UPP2: variants seen among roughly 807,000 people sequenced by gnomAD.
The protein encoded by UPP2 is UPase 2.
In UPP2, 23 loss-of-function variants were observed where a neutral mutation model predicts 26.7. The observed-to-expected ratio is 0.86, with a 90% CI of 0.62 to 1.22. The LOEUF is 1.22. UPP2 is among the 50% of genes most tolerant of loss of function. The pLI, the probability that UPP2 is intolerant of heterozygous loss-of-function variation, is 0.00. For synonymous variants in UPP2, 127 were observed against 141.3 expected, an observed-to-expected ratio of 0.90 and a Z score of 0.72; for missense variants, 387 against 396.7, an observed-to-expected ratio of 0.98 and a Z score of 0.21.
intron 3 of UPP2, among the ~76,000 whole-genome samples, chr2:158,020,126 G>GT (rs749384280): frequency 1.6e-4 from 24 of 151,736 alleles, no homozygotes; most frequent in South Asian, 1.5e-3. Context: ...TTTGGTTTTT[G>GT]TTTTTTTTAA....
At position 158,002,728 on chromosome 2, in the gene UPP2, T is replaced by G. The variant is rs891085013; in HGVS notation, c.61+7469T>G. Among the ~76,000 whole-genome samples the G allele has an allele frequency of 3.3e-5, 5 of 152,356 alleles. No homozygotes were observed. The East Asian group carries it at 9.6e-4, about 29-fold the overall frequency. On this transcript the variant is annotated intron_variant, in intron 2 of 9. Coordinates refer to the UPP2 transcript ENST00000605860. ...TGTCTTTCAGAGATCAGCACTCCAT[T>G]GCTGTGTTGCTATTGTAAGGATGGA...
chr2:158,131,429 A>G (rs1161653716), intron 6 of UPP2, among the ~76,000 whole-genome samples: 1 of 152,166 alleles, frequency 6.6e-6, no homozygotes, highest in African/African-American at 2.4e-5. Flanking sequence ...GTGAATTTTC[A>G]GGGGCCCTGG....
intron 3 of UPP2, among the ~76,000 whole-genome samples, chr2:158,043,789 T>A (rs35914373): frequency 0.35 from 53,770 of 152,010 alleles, 10,532 homozygotes; most frequent in African/African-American, 0.53. Context: ...AAGCAGTGAT[T>A]CTCTGGGGGC....
chr2:158,093,006 C>T (rs913347809), intron 3 of UPP2, among the ~76,000 whole-genome samples: 2 of 152,012 alleles, frequency 1.3e-5, no homozygotes, highest in African/African-American at 2.4e-5. Context: ...CTGCAACCTC[C>T]GCCTCCCGGG....
At position 158,058,279 on chromosome 2, in the gene UPP2, C is replaced by T. The variant is rs1010994175; in HGVS notation, c.147+42393C>T. 2.8e-4 allele frequency among the ~76,000 whole-genome samples: 39 copies of T among 136,938 alleles called. 1 individual carries two copies. The highest frequency in any genetic ancestry group is 8.7e-4 in the African/African-American group (32 of 36,810). 89.8% of individuals were successfully genotyped at this position (136,938 alleles called of 152,430 possible). A position where few individuals can be genotyped will look rare whatever the true frequency, so the allele number is the denominator to read the frequency against. On this transcript the variant is annotated intron_variant, in intron 3 of 9. Transcript: ENST00000605860. ...CTGCATGCCAGCCTGGGCGACAGAGCGAGACTCCGTCTCAAAAAAAAAAAA... is the reference window on the plus strand; with the variant it reads ...CTGCATGCCAGCCTGGGCGACAGAGTGAGACTCCGTCTCAAAAAAAAAAAA...
intron 3 of UPP2, among the ~76,000 whole-genome samples, chr2:158,070,380 A>T (rs1475038726): frequency 6.6e-6 from 1 of 152,208 alleles, no homozygotes; most frequent in Non-Finnish European, 1.5e-5. Flanking sequence ...ACGTGTTTCT[A>T]TCTATGTACA....
chr2:158,047,511 G>T (rs912842407), intron 3 of UPP2, among the ~76,000 whole-genome samples: 1 of 152,156 alleles, frequency 6.6e-6, no homozygotes, highest in African/African-American at 2.4e-5. Flanking sequence ...CCCGGGCATT[G>T]TTCTCTACTC....
intron 3 of UPP2, among the ~76,000 whole-genome samples, chr2:158,070,223 G>A (rs533818965): frequency 2.0e-5 from 3 of 152,090 alleles, no homozygotes; most frequent in East Asian, 3.9e-4. Flanking sequence ...CCAAATTACC[G>A]TGTGGACTCT....
intron 6 of UPP2, among the ~76,000 whole-genome samples, chr2:158,130,136 T>A (rs551077134): frequency 6.6e-6 from 1 of 152,146 alleles, no homozygotes; most frequent in South Asian, 2.1e-4. Context: ...CAATACTTAA[T>A]TTAAACACTT....
At chr2:158,043,448 G>A (rs1684108149) in intron 3 of UPP2, among the ~76,000 whole-genome samples, 1 of 152,200 alleles carries the variant, frequency 6.6e-6, no homozygotes, top group African/African-American at 2.4e-5. Context: ...GAGTCTCTGG[G>A]AAAGCATCCA....
intron 2 of UPP2, among the ~76,000 whole-genome samples, chr2:158,009,657 T>C (rs1459569557): frequency 6.6e-6 from 1 of 152,206 alleles, no homozygotes; most frequent in Non-Finnish European, 1.5e-5. Context: ...AACAGAAGGC[T>C]CCCAGTTTTG....
intron 6 of UPP2, among the ~76,000 whole-genome samples, chr2:158,132,631 C>T (rs569430768): frequency 5.3e-5 from 8 of 152,132 alleles, no homozygotes; most frequent in Non-Finnish European, 7.4e-5. Flanking sequence ...TAAACTGATA[C>T]ATCTGATAAG....
intron 3 of UPP2, among the ~76,000 whole-genome samples, chr2:158,058,175 C>A (rs1682281939): frequency 6.6e-6 from 1 of 151,906 alleles, no homozygotes; most frequent in Admixed American, 6.6e-5. Flanking sequence ...CGCCTGTAGT[C>A]CCAGCTACTC....
rs748381842 is a variant in UPP2 at position 158,115,225 on chromosome 2, G to A, written c.305G>A (p.Cys102Tyr). 1.2e-6 allele frequency: 2 copies of A among 1,612,698 alleles called. No homozygotes were observed. Among genetic ancestry groups the A allele is most frequent in the East Asian group, 2.2e-5 (1 of 44,856 alleles). The change falls in exon 3 of 7, where the codon TGT becomes TAT. Residue 102 changes from cysteine to tyrosine, a missense_variant. Physicochemically the swap from Cys to Tyr is radical, Grantham distance 194. Transcript: ENST00000005756. Reference protein sequence around the residue: ...KDICAGTDRYCMYKTGPVLAI... With the variant: ...KDICAGTDRYYMYKTGPVLAI... ...ATCTGTGCTGGGACAGACAGATACT[G>A]TATGTACAAAACCGGGCCTGTGCTC...
chr2:158,047,440 T>C (rs899938696), intron 3 of UPP2, among the ~76,000 whole-genome samples: 1 of 152,230 alleles, frequency 6.6e-6, no homozygotes, highest in African/African-American at 2.4e-5. Flanking sequence ...TCCCAGTTTA[T>C]GTGTCAGTGG....
At position 158,124,556 on chromosome 2, in the gene UPP2, T is replaced by C. The variant is rs920726749; in HGVS notation, c.811+661T>C. ...GACCTGTGTGTTAACAGAATCACAG[T>C]GGCGGCTCAGCTGGGAAGACCCGAA... is the stretch of plus-strand genomic sequence containing the variant. On this transcript the variant is annotated intron_variant, in intron 6 of 6. Coordinates refer to ENST00000005756, the MANE Select transcript of UPP2 (RefSeq NM_173355.4). Among the ~76,000 whole-genome samples the C allele has an allele frequency of 3.9e-5, 6 of 152,232 alleles. No individual in the cohort carries two copies. The South Asian group carries it at 6.2e-4, about 16-fold the overall frequency.
intron 3 of UPP2, among the ~76,000 whole-genome samples, chr2:158,030,140 C>A (rs1235847472): frequency 6.6e-6 from 1 of 152,064 alleles, no homozygotes; most frequent in East Asian, 1.9e-4. Context: ...ACAATGTGCT[C>A]TGGACAAGTT....
chr2:158,106,491 T>C (rs1449545674), intron 2 of UPP2, among the ~76,000 whole-genome samples: 1 of 152,204 alleles, frequency 6.6e-6, no homozygotes, highest in Non-Finnish European at 1.5e-5. Flanking sequence ...ACAATACTGC[T>C]GGGTGTTGAG....
intron 2 of UPP2, among the ~76,000 whole-genome samples, chr2:158,108,104 C>T (rs1450781284): frequency 6.6e-6 from 1 of 152,156 alleles, no homozygotes; most frequent in Non-Finnish European, 1.5e-5. Flanking sequence ...CTGGTTAATA[C>T]ATTTAAAAGA....
Sources: gnomAD v4.1 joint callset for allele counts (sites outside exome capture counted in the v4.1 genomes callset) on GRCh38, gnomAD v4.1.1 for gene constraint, MANE v1.5 for transcripts, NCBI Gene and HGNC (gene_info 2026-07-23, HGNC 2026-07-21) for gene names.